The following ADAM10 variants were observed in gnomAD, a reference collection of about 807,000 sequenced individuals.
ADAM10 encodes disintegrin and metalloproteinase domain-containing protein 10.
In ADAM10, 17 loss-of-function variants were observed where a neutral mutation model predicts 90.1. The ratio of observed to expected loss-of-function variants is 0.19; its 90% CI spans 0.13 to 0.28. ADAM10 has a LOEUF of 0.28. Ranked by LOEUF, ADAM10 falls within the 10% of genes least tolerant of loss-of-function variation. The probability of loss-of-function intolerance (pLI) is 1.00; values close to 1 mark genes in which losing one functional copy is unlikely to be tolerated. For missense variants in ADAM10, 610 were observed against 914.3 expected (o/e 0.67, Z 4.29); for synonymous variants, 310 against 298.6 (o/e 1.04, Z -0.40).
intron 2 of ADAM10, among the ~76,000 whole-genome samples, chr15:58,703,558 C>T (rs1377050093): frequency 6.6e-6 from 1 of 152,010 alleles, no homozygotes; most frequent in Non-Finnish European, 1.5e-5. Context: ...CATGGATGAA[C>T]CCTGAAAACA....
intron 1 of ADAM10, among the ~76,000 whole-genome samples, chr15:58,721,138 G>C (rs186714653): frequency 2.6e-5 from 4 of 152,332 alleles, no homozygotes; most frequent in Non-Finnish European, 1.5e-5. Context: ...TTACACAGCT[G>C]AAATTCTACT....
At chr15:58,703,831 C>A in intron 2 of ADAM10, 1 of 152,866 alleles carries the variant, frequency 6.5e-6, no homozygotes, top group South Asian at 2.0e-4. Flanking sequence ...CTGAGGCCTC[C>A]CCAGCCAAGC....
intron 1 of ADAM10, among the ~76,000 whole-genome samples, chr15:58,743,096 T>C (rs1899668305): frequency 1.3e-5 from 2 of 151,986 alleles, no homozygotes; most frequent in Non-Finnish European, 2.9e-5. Flanking sequence ...TGGGCCTCTT[T>C]ACCCCAGCAT....
At chr15:58,676,793 G>A (rs1396743242) in intron 4 of ADAM10, among the ~76,000 whole-genome samples, 2 of 151,792 alleles carry the variant, frequency 1.3e-5, no homozygotes, top group African/African-American at 4.8e-5. Context: ...CTCCAGACTG[G>A]GCAACAGGGC....
At chr15:58,748,836 C>A (rs928819815) in intron 1 of ADAM10, 1 of 398,106 alleles carries the variant, frequency 2.5e-6, no homozygotes, top group African/African-American at 2.1e-5. Flanking sequence ...CAGGAAGAAC[C>A]GAGGCCACTA....
chr15:58,740,731 G>C (rs1567020623), intron 1 of ADAM10, among the ~76,000 whole-genome samples: 1 of 151,984 alleles, frequency 6.6e-6, no homozygotes, highest in Non-Finnish European at 1.5e-5. Flanking sequence ...TTTTTTAAAG[G>C]TATACAGAAC....
chr15:58,741,285 C>T (rs1899604707), intron 1 of ADAM10, among the ~76,000 whole-genome samples: 3 of 152,178 alleles, frequency 2.0e-5, no homozygotes, highest in Admixed American at 6.5e-5. Flanking sequence ...TCAAGAGTGT[C>T]AATCATATTT....
At chr15:58,671,150 A>C (rs1209129259) in intron 4 of ADAM10, among the ~76,000 whole-genome samples, 3 of 152,170 alleles carry the variant, frequency 2.0e-5, no homozygotes, top group African/African-American at 7.2e-5. Context: ...AAACCAAAAA[A>C]CAGTTTTAAC....
chr15:58,689,955 A>ACCCC (rs1566996246), intron 2 of ADAM10, among the ~76,000 whole-genome samples: 33 of 130,102 alleles, frequency 2.5e-4, no homozygotes, highest in Middle Eastern at 3.7e-3. Flanking sequence ...CCCCCCCCAA[A>ACCCC]AAAAAAAAAA....
intron 6 of ADAM10, among the ~76,000 whole-genome samples, chr15:58,645,276 A>T (rs16940651): frequency 0.2 from 30,792 of 152,080 alleles, 3,565 homozygotes; most frequent in East Asian, 0.41. Flanking sequence ...TTCCTTGGTA[A>T]ATCCTACAAA....
chr15:58,707,008 CAAA>C (rs796234312), intron 2 of ADAM10, among the ~76,000 whole-genome samples: 1 of 41,784 alleles, frequency 2.4e-5, no homozygotes, highest in Non-Finnish European at 4.9e-5. Flanking sequence ...GACTCCATCT[CAAA>C]AAAAAAAAAA....
chr15:58,709,464 C>A (rs1434811127), intron 2 of ADAM10, among the ~76,000 whole-genome samples: 4 of 152,176 alleles, frequency 2.6e-5, no homozygotes, highest in Admixed American at 1.3e-4. Flanking sequence ...ACTGGCCAGG[C>A]ACGGTGACTC....
chr15:58,732,706 C>T (rs1899293284), intron 1 of ADAM10: 1 of 129,020 alleles, frequency 7.8e-6, no homozygotes, highest in African/African-American at 3.0e-5. Flanking sequence ...AAGACTCCAT[C>T]TCAAAAAAAA....
intron 14 of ADAM10, among the ~76,000 whole-genome samples, chr15:58,607,660 G>A (rs1895314814): frequency 6.6e-6 from 1 of 152,098 alleles, no homozygotes; most frequent in Non-Finnish European, 1.5e-5. Flanking sequence ...AAATGAGAAT[G>A]TGTTTGACTC....
intron 14 of ADAM10, among the ~76,000 whole-genome samples, chr15:58,600,399 T>C (rs1895075964): frequency 6.6e-6 from 1 of 152,330 alleles, no homozygotes; most frequent in Admixed American, 6.5e-5. Flanking sequence ...TCTATCTCTT[T>C]GAGACACCCT....
chr15:58,720,123 G>A (rs4775090), intron 1 of ADAM10, among the ~76,000 whole-genome samples: 4,154 of 152,052 alleles, frequency 0.027, 81 homozygotes, highest in Non-Finnish European at 0.045. Context: ...CTCAGGAGGT[G>A]GTTTTTTAAT....
chr15:58,693,868 A>G (rs1481782858), intron 2 of ADAM10, among the ~76,000 whole-genome samples: 1 of 152,184 alleles, frequency 6.6e-6, no homozygotes, highest in Admixed American at 6.5e-5. Flanking sequence ...CCTCTTACAA[A>G]TCAATAATAA....
intron 11 of ADAM10, among the ~76,000 whole-genome samples, chr15:58,613,503 A>G (rs1312415195): frequency 2.0e-5 from 3 of 152,202 alleles, no homozygotes; most frequent in Non-Finnish European, 4.4e-5. Flanking sequence ...AATTCAAAAT[A>G]ATGATTTGAG....
intron 10 of ADAM10, among the ~76,000 whole-genome samples, chr15:58,623,828 G>A (rs984774134): frequency 2.6e-5 from 4 of 152,118 alleles, no homozygotes; most frequent in African/African-American, 9.7e-5. Flanking sequence ...TAGAAGGTGA[G>A]GGGAGGGAGC....
Sources: allele counts gnomAD v4.1 joint callset (sites outside exome capture counted in the v4.1 genomes callset), GRCh38; gene constraint gnomAD v4.1.1; transcripts MANE v1.5; gene names NCBI Gene and HGNC (gene_info 2026-07-23, HGNC 2026-07-21).